Variants in PARD3 observed in about 807,000 individuals in gnomAD.
The protein encoded by PARD3 is partitioning defective 3 homolog.
A neutral mutation model predicts 155.4 loss-of-function variants in PARD3; 75 were observed. The ratio of observed to expected loss-of-function variants is 0.48; its 90% CI spans 0.40 to 0.58. The LOEUF (loss-of-function observed/expected upper bound fraction) is 0.58, where lower values mean the gene tolerates loss of function less well. Among genes scored for constraint, PARD3 ranks in the 20% least tolerant of loss-of-function variants. The probability of loss-of-function intolerance (pLI) is 0.00; values close to 1 mark genes in which losing one functional copy is unlikely to be tolerated. For missense variants in PARD3, 1,642 were observed against 1,721.7 expected (o/e 0.95, Z 0.82); for synonymous variants, 576 against 610.5 (o/e 0.94, Z 0.83).
intron 2 of PARD3, among the ~76,000 whole-genome samples, chr10:34,590,515 T>C (rs1470262221): frequency 2.6e-5 from 4 of 152,214 alleles, no homozygotes; most frequent in Admixed American, 2.6e-4. Flanking sequence ...TTGTTACTTA[T>C]TATTTTAAAA....
At chr10:34,365,968 G>T (rs1839931525) in intron 12 of PARD3, among the ~76,000 whole-genome samples, 1 of 152,194 alleles carries the variant, frequency 6.6e-6, no homozygotes, top group Non-Finnish European at 1.5e-5. Flanking sequence ...ACATTAAAAT[G>T]ATGATACTGA....
chr10:34,651,724 C>T (rs1357487527), intron 2 of PARD3, among the ~76,000 whole-genome samples: 1 of 152,200 alleles, frequency 6.6e-6, no homozygotes, highest in Non-Finnish European at 1.5e-5. Flanking sequence ...AGACCCATTT[C>T]ATCATGGATA....
chr10:34,577,076 T>C (rs1463882389), intron 2 of PARD3, among the ~76,000 whole-genome samples: 1 of 152,220 alleles, frequency 6.6e-6, no homozygotes, highest in African/African-American at 2.4e-5. Context: ...AACTGCAGGC[T>C]GATGGAGCTC....
chr10:34,484,721 A>G (rs750006349), intron 3 of PARD3, among the ~76,000 whole-genome samples: 13 of 152,364 alleles, frequency 8.5e-5, no homozygotes, highest in Non-Finnish European at 1.8e-4. Context: ...CTGCTTCATA[A>G]GTACACAGCA....
intron 22 of PARD3, among the ~76,000 whole-genome samples, chr10:34,174,071 G>T (rs1427347642): frequency 3.3e-5 from 5 of 152,156 alleles, no homozygotes; most frequent in Non-Finnish European, 5.9e-5. Flanking sequence ...GTGCTGACTG[G>T]TGGATGGACC....
At chr10:34,756,477 TAAA>T (rs34468358) in intron 1 of PARD3, among the ~76,000 whole-genome samples, 15 of 83,280 alleles carry the variant, frequency 1.8e-4, no homozygotes, top group African/African-American at 5.3e-4. Context: ...TTTTTTCTTA[TAAA>T]AAAAAAAAAA....
chr10:34,789,376 T>C (rs1422480637), intron 1 of PARD3, among the ~76,000 whole-genome samples: 1 of 152,188 alleles, frequency 6.6e-6, no homozygotes, highest in Admixed American at 6.5e-5. Context: ...CAACTGTGTA[T>C]GCATTATGAT....
intron 5 of PARD3, among the ~76,000 whole-genome samples, chr10:34,444,445 A>T (rs2076632837): frequency 6.6e-6 from 1 of 152,240 alleles, no homozygotes; most frequent in Non-Finnish European, 1.5e-5. Context: ...ACCATTAAAA[A>T]GGAATTTGAA....
chr10:34,278,000 C>A (rs747317678), intron 21 of PARD3, among the ~76,000 whole-genome samples: 11 of 152,136 alleles, frequency 7.2e-5, no homozygotes, highest in Non-Finnish European at 1.5e-4. Context: ...TGGTCGTTCC[C>A]CTTCCCAAAG....
intron 5 of PARD3, among the ~76,000 whole-genome samples, chr10:34,446,941 T>G (rs1198275460): frequency 6.6e-6 from 1 of 152,216 alleles, no homozygotes; most frequent in Admixed American, 6.5e-5. Flanking sequence ...AACAATTTAT[T>G]CCAGCATTTA....
intron 5 of PARD3, among the ~76,000 whole-genome samples, chr10:34,446,224 G>GT (rs2076731950): frequency 1.3e-5 from 2 of 152,192 alleles, no homozygotes; most frequent in African/African-American, 2.4e-5. Context: ...CTGAAAAAAT[G>GT]TGAGTGAGGT....
chr10:34,744,662 G>A (rs1157030289), intron 1 of PARD3, among the ~76,000 whole-genome samples: 2 of 152,244 alleles, frequency 1.3e-5, no homozygotes, highest in East Asian at 3.8e-4. Flanking sequence ...GAACAGAGGT[G>A]AGACTACAGG....
At chr10:34,694,976 G>C (rs765956295) in intron 2 of PARD3, among the ~76,000 whole-genome samples, 2 of 152,146 alleles carry the variant, frequency 1.3e-5, no homozygotes, top group African/African-American at 2.4e-5. Context: ...GGCCAGGAAT[G>C]AGAAGGAGCC....
chr10:34,686,555 G>A (rs536996885), intron 2 of PARD3, among the ~76,000 whole-genome samples: 1 of 151,854 alleles, frequency 6.6e-6, no homozygotes, highest in Non-Finnish European at 1.5e-5. Flanking sequence ...GGTCAACATG[G>A]TAAAACCCCA....
intron 21 of PARD3, among the ~76,000 whole-genome samples, chr10:34,276,716 A>C (rs1955900271): frequency 1.3e-5 from 2 of 152,132 alleles, no homozygotes; most frequent in African/African-American, 4.8e-5. Flanking sequence ...TAAACCTCTC[A>C]GTTACATACT....
chr10:34,447,024 C>A (rs959373674), intron 5 of PARD3, among the ~76,000 whole-genome samples: 2 of 152,160 alleles, frequency 1.3e-5, no homozygotes, highest in African/African-American at 4.8e-5. Flanking sequence ...ACCTTGCTTT[C>A]TATCCATATA....
chr10:34,716,765 T>A (rs1179152976), intron 1 of PARD3, among the ~76,000 whole-genome samples: 1 of 151,780 alleles, frequency 6.6e-6, no homozygotes, highest in Non-Finnish European at 1.5e-5. Context: ...GCTAATTTTG[T>A]ATTTTTAGTA....
At chr10:34,261,813 G>GAA (rs1205714443) in intron 22 of PARD3, among the ~76,000 whole-genome samples, 1 of 88,972 alleles carries the variant, frequency 1.1e-5, no homozygotes, top group African/African-American at 3.2e-5. Context: ...AAGAAAGAAA[G>GAA]AAAGAAAGAA....
intron 22 of PARD3, among the ~76,000 whole-genome samples, chr10:34,150,000 A>G (rs1948702290): frequency 6.6e-6 from 1 of 152,244 alleles, no homozygotes; most frequent in Non-Finnish European, 1.5e-5. Flanking sequence ...GCTGCTTCAA[A>G]TAATTTTTTG....
Sources: gnomAD v4.1 joint callset for allele counts (sites outside exome capture counted in the v4.1 genomes callset) on GRCh38, gnomAD v4.1.1 for gene constraint, MANE v1.5 for transcripts, NCBI Gene and HGNC (gene_info 2026-07-23, HGNC 2026-07-21) for gene names.